The following FUT8 variants were observed in gnomAD, a reference collection of about 807,000 sequenced individuals.
FUT8 encodes the protein alpha-(1,6)-fucosyltransferase.
Under a neutral mutation model 71.3 loss-of-function variants are expected in FUT8, and 29 were observed. That is an observed-to-expected ratio of 0.41 (90% CI 0.30 to 0.55). The LOEUF is 0.55. Among genes scored for constraint, FUT8 ranks in the 20% least tolerant of loss-of-function variants. The pLI is 0.34. For missense variants in FUT8, 544 were observed against 702.1 expected, an observed-to-expected ratio of 0.77 and a Z score of 2.55; for synonymous variants, 254 against 239.3, an observed-to-expected ratio of 1.06 and a Z score of -0.57.
chr14:65,414,754 A>G (rs960156799), intron 1 of FUT8, among the ~76,000 whole-genome samples: 3 of 152,226 alleles, frequency 2.0e-5, no homozygotes, highest in Non-Finnish European at 4.4e-5. Flanking sequence ...ATTCTATTTG[A>G]ATTCAAGAGC....
the FUT8 span, among the ~76,000 whole-genome samples, chr14:65,378,202 T>G: frequency 4.6e-5 from 7 of 152,028 alleles, no homozygotes; most frequent in Non-Finnish European, 7.3e-5. Context: ...CTTGTTATTA[T>G]AGTTTAGGAG....
At chr14:65,663,813 C>T (rs1241640585) in intron 6 of FUT8, among the ~76,000 whole-genome samples, 1 of 152,054 alleles carries the variant, frequency 6.6e-6, no homozygotes, top group African/African-American at 2.4e-5. Flanking sequence ...AGCTCTTGTG[C>T]TCAAAGCTTT....
upstream of FUT8, among the ~76,000 whole-genome samples, chr14:65,408,981 T>A (rs530570179): frequency 1.3e-5 from 2 of 152,348 alleles, no homozygotes; most frequent in African/African-American, 4.8e-5. Context: ...ATAGACTTTT[T>A]TTCCCTATAT....
chr14:65,639,907 T>C (rs977356634), intron 6 of FUT8, among the ~76,000 whole-genome samples: 1 of 152,102 alleles, frequency 6.6e-6, no homozygotes, highest in Non-Finnish European at 1.5e-5. Flanking sequence ...ATTTTACACC[T>C]AAGTAAATTA....
the FUT8 span, among the ~76,000 whole-genome samples, chr14:65,359,410 C>T: frequency 1.5e-3 from 236 of 152,310 alleles, 1 homozygote; most frequent in African/African-American, 5.5e-3. Flanking sequence ...AGTACATTCA[C>T]GTTGTTGTGC....
chr14:65,424,531 TTTC>T (rs900942599), intron 1 of FUT8, among the ~76,000 whole-genome samples: 7 of 146,968 alleles, frequency 4.8e-5, no homozygotes, highest in Non-Finnish European at 8.9e-5. Flanking sequence ...CTATTTTTCT[TTTC>T]TTTTCTTTTT....
At chr14:65,655,842 AGAAT>A (rs1418810682) in intron 6 of FUT8, among the ~76,000 whole-genome samples, 2 of 152,264 alleles carry the variant, frequency 1.3e-5, no homozygotes, top group African/African-American at 4.8e-5. Context: ...CATTATCAAC[AGAAT>A]GAATGACAAA....
chr14:65,634,295 G>A (rs1460915719), intron 6 of FUT8, among the ~76,000 whole-genome samples: 1 of 152,072 alleles, frequency 6.6e-6, no homozygotes, highest in Non-Finnish European at 1.5e-5. Flanking sequence ...AACATGTGCT[G>A]TGTCCACTCA....
chr14:65,373,038 A>C, the FUT8 span, among the ~76,000 whole-genome samples: 4 of 152,290 alleles, frequency 2.6e-5, no homozygotes, highest in African/African-American at 9.6e-5. Context: ...ATAAGTAATA[A>C]ATAATTTAAA....
intron 1 of FUT8, among the ~76,000 whole-genome samples, chr14:65,429,012 A>G (rs891180751): frequency 9.9e-5 from 15 of 152,216 alleles, no homozygotes; most frequent in Middle Eastern, 3.2e-3. Flanking sequence ...ATAAACTAGG[A>G]AAACAATACA....
At chr14:65,446,222 A>G (rs1049514718) in intron 1 of FUT8, among the ~76,000 whole-genome samples, 6 of 152,304 alleles carry the variant, frequency 3.9e-5, no homozygotes, top group Non-Finnish European at 8.8e-5. Context: ...TTTGCCTTGT[A>G]GAGTTTCCCA....
chr14:65,557,656 A>G (rs1411505852), intron 2 of FUT8, among the ~76,000 whole-genome samples: 5 of 149,640 alleles, frequency 3.3e-5, no homozygotes, highest in African/African-American at 4.9e-5. Flanking sequence ...AAAAAAAAAA[A>G]GTGATATCAC....
chr14:65,700,305 G>A (rs1401094547), intron 7 of FUT8, among the ~76,000 whole-genome samples: 1 of 145,070 alleles, frequency 6.9e-6, no homozygotes, highest in South Asian at 2.2e-4. Context: ...GTGACAATTA[G>A]TTCTGTAAGA....
At chr14:65,712,438 G>A (rs1894851644) in intron 7 of FUT8, among the ~76,000 whole-genome samples, 1 of 152,044 alleles carries the variant, frequency 6.6e-6, no homozygotes, top group South Asian at 2.1e-4. Context: ...TTGTTGTGAT[G>A]GTGGTGGTGG....
chr14:65,656,843 A>G (rs898126126), intron 6 of FUT8, among the ~76,000 whole-genome samples: 3 of 152,238 alleles, frequency 2.0e-5, no homozygotes, highest in African/African-American at 7.2e-5. Flanking sequence ...GAACCCAGAA[A>G]CAAATCTGTT....
intron 2 of FUT8, among the ~76,000 whole-genome samples, chr14:65,534,014 C>T (rs947278989): frequency 1.1e-4 from 16 of 152,124 alleles, no homozygotes; most frequent in Admixed American, 2.6e-4. Flanking sequence ...AATATGCTTC[C>T]GGATTTGTTT....
rs183530309 is a variant in FUT8 at position 65,607,989 on chromosome 14, C to T, written c.204-7989C>T. On this transcript the variant is annotated intron_variant, in intron 3 of 10. Coordinates refer to ENST00000673929, the MANE Select transcript of FUT8 (RefSeq NM_001371533.1). This position sits in a 1 kb window ranked among gnomAD's most constrained non-coding sequence, Gnocchi z 4.1. ...CTGAGGCAGGAGAATCACTTGAACCCGGGAGGCAGAGGTTGCAGTGAGCCG... is the reference window on the plus strand; with the variant it reads ...CTGAGGCAGGAGAATCACTTGAACCTGGGAGGCAGAGGTTGCAGTGAGCCG... 5.8e-3 allele frequency among the ~76,000 whole-genome samples: 844 copies of T among 145,544 alleles called. 12 individuals are homozygous for T. The highest frequency in any genetic ancestry group is 0.011 in the Middle Eastern group (3 of 264).
intron 9 of FUT8, among the ~76,000 whole-genome samples, chr14:65,731,034 G>C (rs1895955739): frequency 6.6e-6 from 1 of 152,188 alleles, no homozygotes; most frequent in Admixed American, 6.5e-5. Flanking sequence ...TTTTTGTAAA[G>C]TATTTGGTTG....
intron 2 of FUT8, among the ~76,000 whole-genome samples, chr14:65,469,869 T>C (rs2139626767): frequency 6.6e-6 from 1 of 152,308 alleles, no homozygotes; most frequent in East Asian, 1.9e-4. Flanking sequence ...AATTGGTACA[T>C]CGGTGGCCAT....
Sources: gnomAD v4.1 joint callset for allele counts (sites outside exome capture counted in the v4.1 genomes callset) on GRCh38, gnomAD v4.1.1 for gene constraint, Gnocchi (gnomAD v3.1) non-coding constraint, MANE v1.5 for transcripts, NCBI Gene and HGNC (gene_info 2026-07-23, HGNC 2026-07-21) for gene names.